MACROD2: variants seen among roughly 807,000 people sequenced by gnomAD.
The protein encoded by MACROD2 is ADP-ribose glycohydrolase MACROD2.
A neutral mutation model predicts 70.4 loss-of-function variants in MACROD2; 36 were observed. The observed-to-expected ratio is 0.51, with a 90% CI of 0.39 to 0.68. The LOEUF is 0.68. MACROD2 is among the 30% of genes least tolerant of loss of function. The pLI, the probability that MACROD2 is intolerant of heterozygous loss-of-function variation, is 0.00. For synonymous variants in MACROD2, 172 were observed against 178.8 expected, an observed-to-expected ratio of 0.96 and a Z score of 0.30; for missense variants, 496 against 538.4, an observed-to-expected ratio of 0.92 and a Z score of 0.78.
At chr20:15,139,977 G>C (rs1389108939) in intron 5 of MACROD2, among the ~76,000 whole-genome samples, 1 of 152,172 alleles carries the variant, frequency 6.6e-6, no homozygotes, top group African/African-American at 2.4e-5. Flanking sequence ...TTGATGATGG[G>C]TATCGCCATT....
At chr20:15,471,639 T>A (rs1207127425) in intron 7 of MACROD2, among the ~76,000 whole-genome samples, 1 of 152,236 alleles carries the variant, frequency 6.6e-6, no homozygotes. Context: ...CTTTCTTAAA[T>A]GAGATAAATG....
intron 13 of MACROD2, among the ~76,000 whole-genome samples, chr20:15,984,661 G>A (rs191737975): frequency 7.1e-5 from 10 of 141,768 alleles, no homozygotes; most frequent in East Asian, 2.0e-4. Context: ...TTTTTAAAGC[G>A]AACTTTCTTT....
chr20:14,720,230 A>C (rs2071448617), intron 5 of MACROD2, among the ~76,000 whole-genome samples: 2 of 152,200 alleles, frequency 1.3e-5, no homozygotes, highest in East Asian at 3.8e-4. Flanking sequence ...GATCTTTAGA[A>C]TAAAGTACAG....
At chr20:15,672,112 C>T (rs966701578) in intron 8 of MACROD2, among the ~76,000 whole-genome samples, 6 of 152,058 alleles carry the variant, frequency 3.9e-5, no homozygotes, top group African/African-American at 7.2e-5. Flanking sequence ...TTTACACTGG[C>T]GACATGAAGC....
intron 4 of MACROD2, among the ~76,000 whole-genome samples, chr20:14,677,149 G>A (rs2070871684): frequency 6.6e-6 from 1 of 152,002 alleles, no homozygotes; most frequent in South Asian, 2.1e-4. Context: ...TTTACCTGAG[G>A]AATGCCAGAG....
chr20:15,852,449 T>C (rs1440949429), intron 8 of MACROD2, among the ~76,000 whole-genome samples: 1 of 152,230 alleles, frequency 6.6e-6, no homozygotes, highest in Non-Finnish European at 1.5e-5. Context: ...TTGTGGATTA[T>C]AAATGTTTTC....
At chr20:14,884,787 G>A (rs1001217455) in intron 5 of MACROD2, among the ~76,000 whole-genome samples, 1 of 152,046 alleles carries the variant, frequency 6.6e-6, no homozygotes, top group African/African-American at 2.4e-5. Context: ...AAACAGAAAC[G>A]TTAAAACAAT....
In MACROD2 at chr20:15,669,280, T is replaced by TAGGA. The variant is rs1568964096; in HGVS notation, c.645+169433_645+169434insAGGA. Among the ~76,000 whole-genome samples, 5 of 152,356 alleles carry TAGGA rather than the reference T, an allele frequency of 3.3e-5. No homozygotes were observed. The East Asian group carries it at 9.6e-4, about 29-fold the overall frequency. ...TATAATTTTATAGGATAATAGGAGA[T>TAGGA]TGCTTATTCCAGCCTCAGTAAGCAT... On this transcript the variant is annotated intron_variant, in intron 8 of 17. Transcript: ENST00000684519.
At chr20:14,538,573 C>T (rs2085394983) in intron 4 of MACROD2, among the ~76,000 whole-genome samples, 1 of 152,176 alleles carries the variant, frequency 6.6e-6, no homozygotes, top group South Asian at 2.1e-4. Context: ...TTCTAGTCTT[C>T]ACCTCCCACC....
chr20:14,580,972 C>T (rs188282333), intron 4 of MACROD2, among the ~76,000 whole-genome samples: 12 of 152,314 alleles, frequency 7.9e-5, no homozygotes, highest in African/African-American at 2.2e-4. Context: ...TGATCCTCTG[C>T]TCACCTGGCA....
chr20:15,141,757 A>T (rs1161194111), intron 5 of MACROD2, among the ~76,000 whole-genome samples: 1 of 152,236 alleles, frequency 6.6e-6, no homozygotes, highest in Non-Finnish European at 1.5e-5. Context: ...CACAGGCCTA[A>T]TACTTTTATT....
At chr20:14,505,680 A>C (rs190326671) in intron 4 of MACROD2, among the ~76,000 whole-genome samples, 7 of 152,318 alleles carry the variant, frequency 4.6e-5, no homozygotes, top group Admixed American at 4.6e-4. Flanking sequence ...AGTAAGTCTG[A>C]GGTGAAGTCC....
intron 3 of MACROD2, among the ~76,000 whole-genome samples, chr20:14,461,597 C>T (rs545803406): frequency 6.6e-6 from 1 of 151,808 alleles, no homozygotes; most frequent in African/African-American, 2.4e-5. Context: ...TGTTGTTGTG[C>T]TGCACCCATT....
intron 5 of MACROD2, among the ~76,000 whole-genome samples, chr20:14,729,259 C>T (rs2071565548): frequency 6.6e-6 from 1 of 152,116 alleles, no homozygotes. Flanking sequence ...AGCAGAATTT[C>T]CACATAAGCA....
chr20:15,149,204 A>G (rs1188276486), intron 5 of MACROD2, among the ~76,000 whole-genome samples: 1 of 151,946 alleles, frequency 6.6e-6, no homozygotes, highest in Non-Finnish European at 1.5e-5. Context: ...CCTGAGGAGT[A>G]GTAGAATAGC....
At chr20:14,993,896 T>C (rs1393969252) in intron 5 of MACROD2, among the ~76,000 whole-genome samples, 4 of 152,232 alleles carry the variant, frequency 2.6e-5, no homozygotes. Context: ...CAGCATACAC[T>C]TAAGAGATTT....
At chr20:15,748,543 G>A (rs1355162933) in intron 8 of MACROD2, among the ~76,000 whole-genome samples, 3 of 152,026 alleles carry the variant, frequency 2.0e-5, no homozygotes, top group African/African-American at 7.2e-5. Flanking sequence ...GCTTCAAAAG[G>A]AAGTGTTTCT....
intron 3 of MACROD2, among the ~76,000 whole-genome samples, chr20:14,232,928 A>G (rs2081831455): frequency 6.6e-6 from 1 of 152,246 alleles, no homozygotes; most frequent in Non-Finnish European, 1.5e-5. Flanking sequence ...AGTGAGACAC[A>G]TGTGACTCTT....
At chr20:14,327,708 A>G in intron 3 of MACROD2, 1 of 553,174 alleles carries the variant, frequency 1.8e-6, no homozygotes, top group Non-Finnish European at 3.1e-6. Context: ...GTTTATTGCT[A>G]GCTAACAATA....
Sources: allele counts gnomAD v4.1 joint callset (sites outside exome capture counted in the v4.1 genomes callset), GRCh38; gene constraint gnomAD v4.1.1; transcripts MANE v1.5; gene names NCBI Gene and HGNC (gene_info 2026-07-23, HGNC 2026-07-21).